The following DENND2C variants were observed in gnomAD, a reference collection of about 807,000 sequenced individuals.
DENND2C encodes DENN domain-containing protein 2C.
DENND2C carries 72 observed loss-of-function variants against 112.4 expected under a neutral mutation model. That is an observed-to-expected ratio of 0.64 (90% CI 0.53 to 0.78). DENND2C has a LOEUF of 0.78. DENND2C is among the 30% of genes least tolerant of loss of function. The pLI is 0.00. For synonymous variants in DENND2C, 329 were observed against 381.6 expected (o/e 0.86, Z 1.61); for missense variants, 992 against 1,113.8 (o/e 0.89, Z 1.56).
At chr1:114,621,858 A>G in intron 7 of DENND2C, 37 bp downstream of exon 7, 1 of 1,549,080 alleles carries the variant, frequency 6.5e-7, no homozygotes. Context: ...GAAATGCTGA[A>G]GTAAGAGTCA....
rs140902921 is a variant in DENND2C, at chr1:114,624,068, A to G, written c.807-425T>C. Among the ~76,000 whole-genome samples, 768 of 152,312 alleles carry G rather than the reference A, an allele frequency of 5.0e-3. 7 individuals carry two copies. Among genetic ancestry groups the G allele is most frequent in the African/African-American group, 0.018 (731 of 41,576 alleles). ...GGAGACAGAAATAAATAAGTACAGA[A>G]CTAGTGTGCAAAATTACAAAGGTGT... On this transcript the variant is annotated intron_variant, in intron 4 of 20. Coordinates refer to ENST00000393274, the MANE Select transcript of DENND2C (RefSeq NM_001256404.2).
chr1:114,598,829 G>C (rs1252308077), intron 16 of DENND2C, among the ~76,000 whole-genome samples: 2 of 151,902 alleles, frequency 1.3e-5, no homozygotes, highest in Non-Finnish European at 2.9e-5. Flanking sequence ...TTACAGGCAT[G>C]TACCACCATG....
chr1:114,591,211 T>A (rs1382922166), intron 18 of DENND2C, among the ~76,000 whole-genome samples: 1 of 152,168 alleles, frequency 6.6e-6, no homozygotes, highest in Non-Finnish European at 1.5e-5. Flanking sequence ...CAAGTGATTC[T>A]CCCACCTTGA....
intron 3 of DENND2C, among the ~76,000 whole-genome samples, chr1:114,639,712 A>AT (rs112934605): frequency 0.027 from 3,786 of 142,296 alleles, 74 homozygotes; most frequent in East Asian, 0.092. Flanking sequence ...CATTATATTA[A>AT]TTTTTTTTTT....
At chr1:114,668,192 GAA>G (rs1337573948) in intron 1 of DENND2C, among the ~76,000 whole-genome samples, 3 of 152,118 alleles carry the variant, frequency 2.0e-5, no homozygotes, top group Non-Finnish European at 4.4e-5. Context: ...GTAAATCACA[GAA>G]AAATTTATAC....
At chr1:114,602,781 C>T (rs980303067) in intron 11 of DENND2C, among the ~76,000 whole-genome samples, 1 of 152,102 alleles carries the variant, frequency 6.6e-6, no homozygotes, top group Non-Finnish European at 1.5e-5. Flanking sequence ...CAGGGCTGGT[C>T]TTAAACACCT....
chr1:114,654,803 T>C, intron 1 of DENND2C, 42 bp from the exon 2 acceptor site: 1 of 151,062 alleles, frequency 6.6e-6, no homozygotes, highest in Middle Eastern at 3.2e-3. Context: ...CAGTCTAAGA[T>C]GTCATCAGGT....
chr1:114,599,464 G>A lies in DENND2C; in HGVS notation c.2106-13C>T, dbSNP rs1264881909. 1.2e-6 allele frequency: 2 copies of A among 1,607,240 alleles called. No individual in the cohort carries two copies. On this transcript the variant is annotated splice_polypyrimidine_tract_variant and intron_variant, in intron 15 of 20. Transcript: ENST00000393274. ...TTTTGACAGGGTGCTAGCCAGAGGA[G>A]AAAACAAATGGTGTCATATATAGAG...
At chr1:114,598,836 C>G (rs1016622078) in intron 16 of DENND2C, among the ~76,000 whole-genome samples, 1 of 152,130 alleles carries the variant, frequency 6.6e-6, no homozygotes, top group Non-Finnish European at 1.5e-5. Flanking sequence ...CATGTACCAC[C>G]ATGCCTCGCT....
chr1:114,662,447 G>GA (rs1163691616), intron 1 of DENND2C, among the ~76,000 whole-genome samples: 1 of 151,488 alleles, frequency 6.6e-6, no homozygotes. Flanking sequence ...AAACTTGAAG[G>GA]AAAAAAAATA....
At chr1:114,599,155 G>T (rs1655424886) in intron 16 of DENND2C, 119 bp downstream of exon 16, 1 of 684,354 alleles carries the variant, frequency 1.5e-6, no homozygotes, top group Non-Finnish European at 2.1e-6. Context: ...TAATTTAATA[G>T]AAATATTATA....
chr1:114,615,686 T>C (rs561724497), intron 8 of DENND2C, among the ~76,000 whole-genome samples: 3 of 152,350 alleles, frequency 2.0e-5, no homozygotes, highest in Non-Finnish European at 4.4e-5. Context: ...AATCAGTACA[T>C]AGCAGGAAAG....
At position 114,633,472 on chromosome 1, in the gene DENND2C, GGAAGGAAGGAAGGAAT is replaced by G. The variant is rs1445635982; in HGVS notation, c.-204-7300_-204-7285del. The stretch of plus-strand genomic sequence containing the variant: ...AAAAAAAAAAAAAAAAGAAAAAGAA[GGAAGGAAGGAAGGAAT>G]GAAGGAAGGAAGGAAGGAAAAAGAA... On this transcript the variant is annotated intron_variant, in intron 3 of 20. Coordinates refer to ENST00000393274, the MANE Select transcript of DENND2C (RefSeq NM_001256404.2). 7.2e-5 allele frequency among the ~76,000 whole-genome samples: 10 copies of G among 138,654 alleles called. No individual in the cohort carries two copies. In the East Asian group the frequency reaches 1.4e-3, roughly 19 times the overall value. The allele number at this position is 138,654 out of a possible 152,430, so 91.0% of individuals were successfully genotyped here. A position where few individuals can be genotyped will look rare whatever the true frequency, so the allele number is the denominator to read the frequency against.
chr1:114,650,088 G>A (rs1055921092), intron 2 of DENND2C, among the ~76,000 whole-genome samples: 8 of 152,058 alleles, frequency 5.3e-5, no homozygotes, highest in Admixed American at 1.3e-4. Flanking sequence ...TTGGGAGGCC[G>A]AGGTGGGTGG....
intron 16 of DENND2C, 59 bp from the exon 17 acceptor site, chr1:114,595,932 A>C: frequency 6.7e-7 from 1 of 1,488,252 alleles, no homozygotes. Context: ...AAATACAGGC[A>C]ATGAGAATAG....
intron 2 of DENND2C, among the ~76,000 whole-genome samples, chr1:114,649,075 C>A (rs953832752): frequency 5.3e-5 from 8 of 151,864 alleles, no homozygotes; most frequent in Admixed American, 1.3e-4. Flanking sequence ...CTGCCTCAGC[C>A]TCCCGAGTAG....
At chr1:114,610,695 G>A (rs1367209728) in intron 9 of DENND2C, among the ~76,000 whole-genome samples, 1 of 139,352 alleles carries the variant, frequency 7.2e-6, no homozygotes, top group Non-Finnish European at 1.5e-5. Flanking sequence ...GGGAGACTCC[G>A]TCTCAAAAAA....
Position 114,654,553 on chromosome 1 carries a change from T to A in DENND2C, c.-365A>T, listed in dbSNP as rs1473764206. On this transcript the variant is annotated 5_prime_UTR_variant, in exon 2 of 21. Transcript: ENST00000393274. ...TATTGAACACCCACTTCATACAGAG[T>A]ATTGTGAGAATTAAAACAGCAAGAA... 6.6e-6 allele frequency: 1 copy of A among 152,114 alleles called. No homozygotes were observed. Among genetic ancestry groups the A allele is most frequent in the East Asian group, 1.9e-4 (1 of 5,194 alleles). The allele number at this position is 152,114 out of a possible 1,614,324, so 9.4% of individuals were successfully genotyped here.
intron 15 of DENND2C, 54 bp from the exon 16 acceptor site, chr1:114,599,505 A>G (rs767604949): frequency 2.6e-5 from 36 of 1,399,172 alleles, no homozygotes; most frequent in Admixed American, 1.7e-4. Flanking sequence ...TAAGGAGGAC[A>G]TTTCAGTTAT....
Sources: gnomAD v4.1 joint callset for allele counts (sites outside exome capture counted in the v4.1 genomes callset) on GRCh38, gnomAD v4.1.1 for gene constraint, MANE v1.5 for transcripts, NCBI Gene and HGNC (gene_info 2026-07-23, HGNC 2026-07-21) for gene names.